Variants in SLC17A1 observed in about 807,000 individuals in gnomAD.
SLC17A1 encodes solute carrier family 17 member 1, also known as sodium-dependent phosphate transport protein 1.
A neutral mutation model predicts 53.5 loss-of-function variants in SLC17A1; 51 were observed. The ratio of observed to expected loss-of-function variants is 0.95; its 90% CI spans 0.76 to 1.20. SLC17A1 has a LOEUF of 1.20. Among genes scored for constraint, SLC17A1 ranks in the 50% most tolerant of loss-of-function variants. The pLI is 0.00. For missense variants in SLC17A1, 538 were observed against 568.2 expected, an observed-to-expected ratio of 0.95 and a Z score of 0.54; for synonymous variants, 179 against 198.8, an observed-to-expected ratio of 0.90 and a Z score of 0.84.
intron 3 of SLC17A1, among the ~76,000 whole-genome samples, chr6:25,820,211 C>A (rs17270561): frequency 0.18 from 26,785 of 152,172 alleles, 3,074 homozygotes; most frequent in Non-Finnish European, 0.23. Context: ...TGCTAAACTG[C>A]ATGTAAACTC....
chr6:25,789,961 A>C (rs1300508306), intron 12 of SLC17A1, among the ~76,000 whole-genome samples: 1 of 152,146 alleles, frequency 6.6e-6, no homozygotes. Context: ...TGTTTGCAGG[A>C]TACCCTAAAG....
In SLC17A1 at chr6:25,819,126, T is replaced by A. The variant is rs1764457548; in HGVS notation, c.558A>T (p.Leu186=). Residue 186 remains leucine (L), a synonymous_variant, in exon 6 of 13, where the codon CTA becomes CTT. Transcript: ENST00000244527. The part of the protein sequence containing the change: ...SGFLLGPFIV[L]LVTGVICESL... ...ATTCACAGATAACTCCAGTCACAAG[T>A]AGGACAATAAAGGGTCCCAGCAAAA... 6.2e-7 allele frequency: 1 copy of A among 1,610,456 alleles called. No individual in the cohort carries two copies. Among genetic ancestry groups the A allele is most frequent in the African/African-American group, 1.3e-5 (1 of 74,770 alleles).
chr6:25,726,895 A>G, the SLC17A1 span: 1 of 1,606,260 alleles, frequency 6.2e-7, no homozygotes, highest in African/African-American at 1.3e-5. Flanking sequence ...ACGCTGCAGA[A>G]GTGTGTGGTA....
intron 12 of SLC17A1, among the ~76,000 whole-genome samples, chr6:25,787,091 T>C (rs565808918): frequency 6.6e-6 from 1 of 151,170 alleles, no homozygotes; most frequent in East Asian, 1.9e-4. Context: ...TGGGGTATAG[T>C]GGGGGTGGGA....
chr6:25,795,902 C>T (rs1467822764), intron 12 of SLC17A1, among the ~76,000 whole-genome samples: 1 of 152,004 alleles, frequency 6.6e-6, no homozygotes, highest in Non-Finnish European at 1.5e-5. Flanking sequence ...GAAATTGTAA[C>T]ATCAGAATAT....
chr6:25,731,535 G>C, the SLC17A1 span, among the ~76,000 whole-genome samples: 2 of 152,178 alleles, frequency 1.3e-5, no homozygotes, highest in Non-Finnish European at 2.9e-5. Context: ...AGGATTACGG[G>C]AGCTCCCATT....
chr6:25,770,031 A>C, the SLC17A1 span: 1 of 1,588,770 alleles, frequency 6.3e-7, no homozygotes, highest in Non-Finnish European at 8.6e-7. Context: ...TCAATCCTTC[A>C]ACTAAAGACA....
At chr6:25,771,037 A>G in the SLC17A1 span, 23 of 1,577,138 alleles carry the variant, frequency 1.5e-5, no homozygotes, top group East Asian at 5.2e-4. Flanking sequence ...CAAATCTCCA[A>G]TTTTTATGAC....
the SLC17A1 span, chr6:25,769,139 CA>C: frequency 2.2e-5 from 35 of 1,614,108 alleles, no homozygotes; most frequent in Non-Finnish European, 2.9e-5. Context: ...AACGGCCCTC[CA>C]CTGACTCCCA....
At chr6:25,726,237 A>C in the SLC17A1 span, 1 of 1,613,562 alleles carries the variant, frequency 6.2e-7, no homozygotes, top group Non-Finnish European at 8.5e-7. Context: ...CGCCGCCCAA[A>C]AGCTTATTGA....
chr6:25,738,566 CT>C, the SLC17A1 span, among the ~76,000 whole-genome samples: 1 of 150,686 alleles, frequency 6.6e-6, no homozygotes, highest in African/African-American at 2.4e-5. Flanking sequence ...AGCTTTTGTT[CT>C]GTGAAAGTCT....
In SLC17A1 at chr6:25,800,754, C is replaced by G. The variant is rs886113133; in HGVS notation, c.1269+136G>C. 3 of 600,660 alleles carry G rather than the reference C, an allele frequency of 5.0e-6. No individual in the cohort carries two copies. In the Admixed American group the frequency reaches 9.5e-5, roughly 19 times the overall value. The allele number at this position is 600,660 out of a possible 1,614,324, so 37.2% of individuals were successfully genotyped here. On this transcript the variant is annotated intron_variant, in intron 11 of 12. Coordinates refer to ENST00000244527, the MANE Select transcript of SLC17A1 (RefSeq NM_005074.5). The stretch of plus-strand genomic sequence containing the variant: ...AGATTTGGAGAGATGCCTGATTTGA[C>G]CAAATTTATTTTCATATGATGCAAA...
At chr6:25,754,570 T>C in the SLC17A1 span, 1 of 152,116 alleles carries the variant, frequency 6.6e-6, no homozygotes, top group Non-Finnish European at 1.5e-5. Context: ...GCTTGAAGCA[T>C]GAGGAAGATT....
At chr6:25,821,730 C>T (rs991792123) in intron 3 of SLC17A1, among the ~76,000 whole-genome samples, 7 of 152,098 alleles carry the variant, frequency 4.6e-5, no homozygotes, top group African/African-American at 1.7e-4. Flanking sequence ...AAACTACTCA[C>T]ACCAGAAAGA....
At chr6:25,779,209 G>A (rs1379250081), downstream of SLC17A1, 1 of 1,612,276 alleles carries the variant, frequency 6.2e-7, no homozygotes, top group Admixed American at 1.7e-5. Context: ...AGATGTGCTA[G>A]ATCCTGGTGC....
At chr6:25,805,406 G>T (rs181702456) in intron 10 of SLC17A1, among the ~76,000 whole-genome samples, 1 of 152,044 alleles carries the variant, frequency 6.6e-6, no homozygotes, top group East Asian at 1.9e-4. Flanking sequence ...AGTACTAAGT[G>T]CCTATATCAA....
At chr6:25,793,345 G>A (rs776327380) in intron 12 of SLC17A1, among the ~76,000 whole-genome samples, 6 of 152,284 alleles carry the variant, frequency 3.9e-5, no homozygotes, top group Non-Finnish European at 5.9e-5. Flanking sequence ...GGATAGAACA[G>A]TGAGAGCTGG....
chr6:25,737,241 T>C, the SLC17A1 span, among the ~76,000 whole-genome samples: 1 of 152,082 alleles, frequency 6.6e-6, no homozygotes, highest in African/African-American at 2.4e-5. Flanking sequence ...TAAGATTGGA[T>C]TTTTGGATGT....
chr6:25,828,558 T>G (rs1307173337), intron 2 of SLC17A1, among the ~76,000 whole-genome samples: 2 of 152,006 alleles, frequency 1.3e-5, no homozygotes, highest in Non-Finnish European at 2.9e-5. Flanking sequence ...TGACTTAGTG[T>G]TGGTGGTTGC....
Sources: allele counts gnomAD v4.1 joint callset (sites outside exome capture counted in the v4.1 genomes callset), GRCh38; gene constraint gnomAD v4.1.1; transcripts MANE v1.5; gene names NCBI Gene and HGNC (gene_info 2026-07-23, HGNC 2026-07-21).